RBFOX1: variants seen among roughly 807,000 people sequenced by gnomAD.
The protein encoded by RBFOX1 is RNA binding fox-1 homolog 1.
In RBFOX1, 8 loss-of-function variants were observed where a neutral mutation model predicts 57.7. The ratio of observed to expected loss-of-function variants is 0.14; its 90% confidence interval spans 0.08 to 0.25. The LOEUF (loss-of-function observed/expected upper bound fraction) is 0.25, where lower values mean the gene tolerates loss of function less well. Ranked by LOEUF, RBFOX1 falls within the 10% of genes least tolerant of loss-of-function variation. The probability of loss-of-function intolerance (pLI) is 1.00; values close to 1 mark genes in which losing one functional copy is unlikely to be tolerated. For synonymous variants in RBFOX1, 326 were observed against 222.4 expected, an observed-to-expected ratio of 1.47 and a Z score of -4.15; for missense variants, 611 against 548.5, an observed-to-expected ratio of 1.11 and a Z score of -1.14.
chr16:6,748,335 A>C (rs1008179360), intron 3 of RBFOX1, among the ~76,000 whole-genome samples: 1 of 152,098 alleles, frequency 6.6e-6, no homozygotes, highest in Non-Finnish European at 1.5e-5. Context: ...ACATACACAT[A>C]TAACTATATA....
chr16:6,188,791 C>T (rs1234227112), intron 1 of RBFOX1, among the ~76,000 whole-genome samples: 2 of 152,174 alleles, frequency 1.3e-5, no homozygotes, highest in African/African-American at 4.8e-5. Context: ...ATGTCCCAAA[C>T]CTTCCTACCG....
intron 3 of RBFOX1, among the ~76,000 whole-genome samples, chr16:7,019,601 T>C (rs1286543910): frequency 6.6e-6 from 1 of 151,770 alleles, no homozygotes; most frequent in Non-Finnish European, 1.5e-5. Context: ...GAATACGTAG[T>C]TTCATTTTAC....
intron 3 of RBFOX1, among the ~76,000 whole-genome samples, chr16:5,845,074 T>C (rs976049763): frequency 1.1e-4 from 16 of 152,030 alleles, no homozygotes; most frequent in African/African-American, 3.6e-4. Context: ...TTTTTTTTTT[T>C]TTTTTCTGTA....
At chr16:6,941,044 A>C (rs1251701678) in intron 3 of RBFOX1, among the ~76,000 whole-genome samples, 2 of 151,972 alleles carry the variant, frequency 1.3e-5, no homozygotes, top group African/African-American at 4.8e-5. Flanking sequence ...ATGGACGCCT[A>C]TGTGCGTGTA....
intron 3 of RBFOX1, among the ~76,000 whole-genome samples, chr16:5,621,778 A>T (rs1024366090): frequency 1.6e-4 from 24 of 152,254 alleles, no homozygotes; most frequent in African/African-American, 5.8e-4. Flanking sequence ...GGGCAGTGAA[A>T]CCATCATGTG....
At chr16:7,709,626 C>A in intron 15 of RBFOX1, 4 of 1,531,810 alleles carry the variant, frequency 2.6e-6, no homozygotes, top group South Asian at 1.2e-5. Context: ...TCATAGTCGC[C>A]CAGGAAAGAA....
chr16:6,344,398 C>CTTTTTTTTTTTTTT (rs1176288797), intron 2 of RBFOX1, among the ~76,000 whole-genome samples: 2 of 71,958 alleles, frequency 2.8e-5, no homozygotes, highest in African/African-American at 2.1e-4. Flanking sequence ...CTTCTTTTTT[C>CTTTTTTTTTTTTTT]TTTTTTTTCT....
intron 4 of RBFOX1, among the ~76,000 whole-genome samples, chr16:5,957,790 T>G (rs983647904): frequency 3.3e-5 from 5 of 152,218 alleles, no homozygotes; most frequent in African/African-American, 1.2e-4. Context: ...TCCATCCCTT[T>G]GAGCATTGAT....
rs182690587 is a variant in RBFOX1 at position 7,330,772 on chromosome 16, G to C, written c.28-187375G>C. On this transcript the variant is annotated intron_variant, in intron 4 of 15. Coordinates refer to ENST00000550418, the MANE Select transcript of RBFOX1 (RefSeq NM_018723.4). ...GGTCTTTCTATTTTACAACACTAAA[G>C]AGACAATTTGATCTGACACAGGCCT... Among the ~76,000 whole-genome samples, 22 of 152,136 alleles carry C rather than the reference G, an allele frequency of 1.4e-4. No homozygotes were observed. The East Asian group carries it at 1.9e-3, about 13-fold the overall frequency.
At chr16:5,795,360 G>T (rs922804999) in intron 3 of RBFOX1, among the ~76,000 whole-genome samples, 3 of 151,708 alleles carry the variant, frequency 2.0e-5, no homozygotes, top group Non-Finnish European at 2.9e-5. Flanking sequence ...CTGGAGTGCA[G>T]TGGCGAGATC....
chr16:7,243,828 G>A (rs890904082), intron 4 of RBFOX1, among the ~76,000 whole-genome samples: 4 of 152,072 alleles, frequency 2.6e-5, no homozygotes, highest in African/African-American at 9.7e-5. Context: ...GGTATTAGAG[G>A]TATGAGCCAC....
intron 3 of RBFOX1, among the ~76,000 whole-genome samples, chr16:5,741,800 A>G (rs1217527439): frequency 6.6e-6 from 1 of 152,216 alleles, no homozygotes; most frequent in Non-Finnish European, 1.5e-5. Context: ...TTAAAGAAAT[A>G]AAAAACATGT....
At chr16:5,542,102 A>C (rs1239052202) in intron 2 of RBFOX1, among the ~76,000 whole-genome samples, 1 of 152,152 alleles carries the variant, frequency 6.6e-6, no homozygotes, top group African/African-American at 2.4e-5. Flanking sequence ...TTCTAGATTT[A>C]TGAACATGAT....
At chr16:7,214,104 C>A (rs902743525) in intron 4 of RBFOX1, among the ~76,000 whole-genome samples, 1 of 151,874 alleles carries the variant, frequency 6.6e-6, no homozygotes, top group Non-Finnish European at 1.5e-5. Flanking sequence ...CCACTTCTTT[C>A]CCCTGCTACC....
chr16:6,511,690 G>A (rs1388200710), intron 2 of RBFOX1, among the ~76,000 whole-genome samples: 2 of 152,144 alleles, frequency 1.3e-5, no homozygotes, highest in Admixed American at 6.5e-5. Context: ...TTTATTAAAG[G>A]CTGTGGTGAT....
chr16:7,710,436 G>C, intron 15 of RBFOX1, 187 bp from the exon 16 acceptor site: 1 of 1,411,962 alleles, frequency 7.1e-7, no homozygotes, highest in Non-Finnish European at 9.1e-7. Flanking sequence ...ATTTCTTTAG[G>C]AGGAGCTATT....
At chr16:7,222,316 T>C (rs1393781054) in intron 4 of RBFOX1, among the ~76,000 whole-genome samples, 1 of 152,218 alleles carries the variant, frequency 6.6e-6, no homozygotes, top group Non-Finnish European at 1.5e-5. Flanking sequence ...GCAGACCTAA[T>C]GTGCAAAGTC....
chr16:5,944,552 C>T (rs549500785), intron 4 of RBFOX1, among the ~76,000 whole-genome samples: 5 of 151,798 alleles, frequency 3.3e-5, no homozygotes, highest in East Asian at 1.9e-4. Context: ...TTGGTCCCTT[C>T]GGAGCTGTGT....
chr16:6,239,485 CTTTTTTTTTTTTTTT>C lies in RBFOX1; in HGVS notation c.-126-77495_-126-77481del, dbSNP rs59244306. Reference sequence around the variant, plus strand: ...ATAACTTATTCTTCTCCAACTGACTCTTTTTTTTTTTTTTTTTTTTTTTTTTTTTCTGAGATAGAG... The same window carrying C: ...ATAACTTATTCTTCTCCAACTGACTCTTTTTTTTTTTTTTCTGAGATAGAG... On this transcript the variant is annotated intron_variant, in intron 1 of 15. Transcript: ENST00000550418. Among the ~76,000 whole-genome samples the C allele has an allele frequency of 6.4e-3, 432 of 67,830 alleles. 19 individuals carry two copies. The Admixed American group carries it at 0.068, about 11-fold the overall frequency. The allele number at this position is 67,830 out of a possible 152,430, so 44.5% of individuals were successfully genotyped here. A position where few individuals can be genotyped will look rare whatever the true frequency, so the allele number is the denominator to read the frequency against.
Sources: allele counts gnomAD v4.1 joint callset (sites outside exome capture counted in the v4.1 genomes callset), GRCh38; gene constraint gnomAD v4.1.1; transcripts MANE v1.5; gene names NCBI Gene and HGNC (gene_info 2026-07-23, HGNC 2026-07-21).